Variants in DIAPH2 observed in about 807,000 individuals in gnomAD.
DIAPH2 encodes diaphanous related formin 2, also known as protein diaphanous homolog 2.
Under a neutral mutation model 92.7 loss-of-function variants are expected in DIAPH2, and 35 were observed. That is an observed-to-expected ratio of 0.38 (90% CI 0.29 to 0.50). The LOEUF is 0.50. Among genes scored for constraint, DIAPH2 ranks in the 20% least tolerant of loss-of-function variants. The pLI is 0.94. For synonymous variants in DIAPH2, 301 were observed against 280.4 expected (o/e 1.07, Z -0.73); for missense variants, 701 against 819.5 (o/e 0.86, Z 1.77).
At chrX:96,963,036 C>A (rs1013451853) in intron 16 of DIAPH2, among the ~76,000 whole-genome samples, 1 of 111,834 alleles carries the variant, frequency 8.9e-6, no homozygotes, top group Non-Finnish European at 1.9e-5. Context: ...GTGATGAATT[C>A]CCTCAGTTTT....
intron 22 of DIAPH2, among the ~76,000 whole-genome samples, chrX:97,202,427 G>C (rs773116924): frequency 9.0e-6 from 1 of 111,700 alleles, no homozygotes; most frequent in Non-Finnish European, 1.9e-5. Context: ...CATCTCACAT[G>C]CAAAGACACA....
intron 25 of DIAPH2, among the ~76,000 whole-genome samples, chrX:97,388,195 C>T (rs1036898825): frequency 9.0e-6 from 1 of 111,692 alleles, no homozygotes; most frequent in Non-Finnish European, 1.9e-5. Context: ...ACGGTAGGAT[C>T]TGTGTCAGAC....
At chrX:96,704,978 T>G (rs2063876255) in intron 1 of DIAPH2, among the ~76,000 whole-genome samples, 1 of 101,689 alleles carries the variant, frequency 9.8e-6, no homozygotes, top group South Asian at 4.9e-4. Context: ...AGGGTTTTTT[T>G]TTTTTTTTTT....
chrX:96,747,127 T>G (rs2147581390), intron 3 of DIAPH2, among the ~76,000 whole-genome samples: 1 of 111,620 alleles, frequency 9.0e-6, no homozygotes, highest in African/African-American at 3.3e-5. Context: ...TAGACTGAAT[T>G]ATGCAATTAG....
At chrX:97,171,063 C>T (rs1285927435) in intron 22 of DIAPH2, among the ~76,000 whole-genome samples, 1 of 110,119 alleles carries the variant, frequency 9.1e-6, no homozygotes, top group African/African-American at 3.3e-5. Flanking sequence ...CAGCAGAGCC[C>T]GGGTTTCACC....
chrX:97,580,211 T>C (rs2071429191), intron 26 of DIAPH2, among the ~76,000 whole-genome samples: 1 of 98,996 alleles, frequency 1.0e-5, no homozygotes, highest in Admixed American at 1.1e-4. Context: ...CTATGTTGAA[T>C]AGGAGTGGTG....
At chrX:96,942,704 C>T (rs977445376) in intron 13 of DIAPH2, among the ~76,000 whole-genome samples, 1 of 110,918 alleles carries the variant, frequency 9.0e-6, no homozygotes, top group African/African-American at 3.3e-5. Context: ...TTTATATCAT[C>T]CTAGACTGGT....
At chrX:96,956,206 C>A (rs1018582424) in intron 15 of DIAPH2, among the ~76,000 whole-genome samples, 1 of 113,066 alleles carries the variant, frequency 8.8e-6, no homozygotes, top group African/African-American at 3.2e-5. Context: ...AAGCTTGGGG[C>A]TTGCACCCTC....
At chrX:96,791,518 A>G in intron 4 of DIAPH2, among the ~76,000 whole-genome samples, 1 of 92,738 alleles carries the variant, frequency 1.1e-5, no homozygotes, top group East Asian at 3.3e-4. Flanking sequence ...AGCTTGGGTG[A>G]CAGTGAGACT....
intron 4 of DIAPH2, among the ~76,000 whole-genome samples, chrX:96,793,261 A>G (rs2064513817): frequency 1.8e-5 from 2 of 112,202 alleles, no homozygotes; most frequent in African/African-American, 6.5e-5. Flanking sequence ...CCCGGGTTCA[A>G]GCGATTCTCC....
intron 22 of DIAPH2, among the ~76,000 whole-genome samples, chrX:97,192,708 G>A (rs1303805801): frequency 9.0e-6 from 1 of 111,436 alleles, no homozygotes; most frequent in African/African-American, 3.3e-5. Flanking sequence ...TAGATGGTAG[G>A]AATTTTCCTC....
rs147227296 is a variant in DIAPH2, at chrX:97,083,715, G to A, written c.2247+8454G>A. 7.0e-3 allele frequency among the ~76,000 whole-genome samples: 784 copies of A among 112,104 alleles called. 9 individuals carry two copies. Among genetic ancestry groups the A allele is most frequent in the African/African-American group, 0.024 (737 of 30,870 alleles). On this transcript the variant is annotated intron_variant, in intron 19 of 26. Transcript: ENST00000324765. ...AATTACTTTTATTTCTGAAGTATAT[G>A]TAGTAAAGTTTCAGAATTTAATACG... is the stretch of plus-strand genomic sequence containing the variant.
chrX:96,699,828 T>C (rs1026719546), intron 1 of DIAPH2, among the ~76,000 whole-genome samples: 3 of 111,793 alleles, frequency 2.7e-5, no homozygotes, highest in Non-Finnish European at 3.8e-5. Flanking sequence ...GACTGCACTG[T>C]TGTGAACTTT....
intron 19 of DIAPH2, among the ~76,000 whole-genome samples, chrX:97,091,059 T>C (rs2147353046): frequency 9.0e-6 from 1 of 111,380 alleles, no homozygotes; most frequent in South Asian, 3.8e-4. Context: ...CAGGCTGGAG[T>C]GCAGTGGCAC....
intron 17 of DIAPH2, among the ~76,000 whole-genome samples, chrX:96,974,669 A>G (rs1457805821): frequency 2.7e-5 from 3 of 111,568 alleles, no homozygotes; most frequent in Non-Finnish European, 5.6e-5. Context: ...CATATATGTA[A>G]GTGTTGGAAT....
intron 19 of DIAPH2, among the ~76,000 whole-genome samples, chrX:97,080,352 A>C (rs1045434933): frequency 1.8e-5 from 2 of 108,671 alleles, no homozygotes; most frequent in African/African-American, 3.4e-5. Flanking sequence ...ATAATACCTA[A>C]GGTGAAATAC....
intron 20 of DIAPH2, among the ~76,000 whole-genome samples, chrX:97,108,529 A>G (rs1231595389): frequency 9.0e-6 from 1 of 111,508 alleles, no homozygotes; most frequent in South Asian, 3.8e-4. Context: ...TATCTAGGAC[A>G]TTTCCTTCCA....
intron 19 of DIAPH2, among the ~76,000 whole-genome samples, chrX:97,093,183 G>GA (rs1387009984): frequency 4.6e-5 from 3 of 65,657 alleles, no homozygotes; most frequent in African/African-American, 1.3e-4. Context: ...GTGAGACTGT[G>GA]AAAAAAAGAA....
intron 26 of DIAPH2, among the ~76,000 whole-genome samples, chrX:97,596,438 A>G (rs1458215540): frequency 8.9e-6 from 1 of 112,096 alleles, no homozygotes; most frequent in Non-Finnish European, 1.9e-5. Flanking sequence ...TCAGGTAAAT[A>G]CATGTGTTGT....
Sources: allele counts gnomAD v4.1 joint callset (sites outside exome capture counted in the v4.1 genomes callset), GRCh38; gene constraint gnomAD v4.1.1; transcripts MANE v1.5; gene names NCBI Gene and HGNC (gene_info 2026-07-23, HGNC 2026-07-21).